The following UBE3C variants were observed in gnomAD, a reference collection of about 807,000 sequenced individuals.
UBE3C encodes ubiquitin-protein ligase E3C.
A neutral mutation model predicts 129.4 loss-of-function variants in UBE3C; 42 were observed. The observed-to-expected ratio is 0.32, with a 90% CI of 0.25 to 0.42. UBE3C has a LOEUF of 0.42. Ranked by LOEUF, UBE3C falls within the 10% of genes least tolerant of loss-of-function variation. The pLI is 1.00. For synonymous variants in UBE3C, 510 were observed against 492.4 expected (o/e 1.04, Z -0.47); for missense variants, 1,049 against 1,319.1 (o/e 0.80, Z 3.17).
chr7:157,214,268 TAGA>T (rs1464391321), intron 13 of UBE3C, among the ~76,000 whole-genome samples: 6 of 152,232 alleles, frequency 3.9e-5, no homozygotes, highest in African/African-American at 1.2e-4. Context: ...AATAATTTAG[TAGA>T]AGAATGTAAA....
intron 18 of UBE3C, among the ~76,000 whole-genome samples, chr7:157,232,992 C>T (rs745890312): frequency 3.9e-5 from 6 of 152,158 alleles, no homozygotes; most frequent in Non-Finnish European, 8.8e-5. Context: ...CAATATCAAA[C>T]TTGGAAGCAA....
chr7:157,239,581 A>G (rs1796245118), intron 18 of UBE3C, among the ~76,000 whole-genome samples: 1 of 152,218 alleles, frequency 6.6e-6, no homozygotes, highest in Admixed American at 6.5e-5. Context: ...GCAGCAGTAG[A>G]CTTCAGAGCA....
rs1240249461 is a variant in UBE3C, at chr7:157,182,217, T to C, written c.880T>C (p.Tyr294His). The change falls in exon 8 of 23, where the codon TAC becomes CAC. Residue 294 changes from tyrosine (Y) to histidine (H), a missense_variant. Around this residue, in one of 4 missense-constraint regions of UBE3C, gnomAD observed 489 missense variants for 513.8 expected, o/e 0.95. Transcript: ENST00000348165. ...TGCAGATGCGCAGACCGTTTTCCCTTACGAGCCCTTTCTGAATGCACTGTT... is the reference window on the plus strand; with the variant it reads ...TGCAGATGCGCAGACCGTTTTCCCTCACGAGCCCTTTCTGAATGCACTGTT... Reference protein sequence around the residue: ...ALADAQTVFPYEPFLNALLLI... With the variant: ...ALADAQTVFPHEPFLNALLLI... 3 of 1,614,114 alleles carry C rather than the reference T, an allele frequency of 1.9e-6. No individual in the cohort carries two copies. The highest frequency in any genetic ancestry group is 1.3e-5 in the African/African-American group (1 of 74,944).
chr7:157,256,831 G>A (rs540403422), intron 21 of UBE3C, 83 bp from the exon 22 acceptor site: 86 of 1,546,004 alleles, frequency 5.6e-5, no homozygotes, highest in Middle Eastern at 1.8e-4. Flanking sequence ...TTTAGTTTCC[G>A]TGGGTGTCTG....
chr7:157,221,735 GTC>G (rs1413513052), intron 15 of UBE3C: 1 of 151,214 alleles, frequency 6.6e-6, no homozygotes, highest in Non-Finnish European at 1.5e-5. Flanking sequence ...GTATAAGACT[GTC>G]TAAAAAAAAA....
chr7:157,143,086 C>G (rs1586638406), intron 1 of UBE3C, among the ~76,000 whole-genome samples: 1 of 152,016 alleles, frequency 6.6e-6, no homozygotes, highest in Non-Finnish European at 1.5e-5. Flanking sequence ...GGGCGGGTCT[C>G]GAACTCCCGA....
chr7:157,241,518 C>T (rs1014661121), intron 18 of UBE3C, among the ~76,000 whole-genome samples: 18 of 152,200 alleles, frequency 1.2e-4, no homozygotes, highest in African/African-American at 2.2e-4. Context: ...CACAGGCTGC[C>T]GCGCACACCC....
At chr7:157,166,712 C>T (rs1218164016) in intron 2 of UBE3C, among the ~76,000 whole-genome samples, 1 of 147,102 alleles carries the variant, frequency 6.8e-6, no homozygotes, top group South Asian at 2.1e-4. Context: ...TGCACTCCAG[C>T]CTGGAGTGAA....
At chr7:157,164,806 G>C (rs1233978675) in intron 2 of UBE3C, among the ~76,000 whole-genome samples, 1 of 152,148 alleles carries the variant, frequency 6.6e-6, no homozygotes, top group Non-Finnish European at 1.5e-5. Context: ...CGTGAACCAG[G>C]ATGCTGAGGT....
In UBE3C at chr7:157,210,716, G is replaced by A. The variant is rs141168185; in HGVS notation, c.1809+2781G>A. ...AGAATCAACCAAAGAACGCAGAAGC[G>A]TTTAGCCCATGATCTCCTGCCTTCC... On this transcript the variant is annotated intron_variant, in intron 13 of 22. Coordinates refer to ENST00000348165, the MANE Select transcript of UBE3C (RefSeq NM_014671.3). Among the ~76,000 whole-genome samples the A allele has an allele frequency of 1.7e-3, 261 of 152,310 alleles. 2 individuals carry two copies. Among genetic ancestry groups the A allele is most frequent in the African/African-American group, 5.8e-3 (241 of 41,570 alleles).
chr7:157,224,923 A>G (rs1795837107), intron 16 of UBE3C, among the ~76,000 whole-genome samples: 1 of 152,230 alleles, frequency 6.6e-6, no homozygotes, highest in African/African-American at 2.4e-5. Context: ...GTGTTAGTAT[A>G]CAGCTTTTTA....
intron 4 of UBE3C, among the ~76,000 whole-genome samples, chr7:157,170,657 A>AC (rs1413094121): frequency 6.6e-6 from 1 of 152,214 alleles, no homozygotes; most frequent in Non-Finnish European, 1.5e-5. Context: ...TGTATCCAAA[A>AC]ATAGGCTTTT....
intron 2 of UBE3C, 53 bp from the exon 3 acceptor site, chr7:157,168,995 A>G: frequency 6.8e-7 from 1 of 1,460,650 alleles, no homozygotes; most frequent in Non-Finnish European, 9.6e-7. Flanking sequence ...GCAAAATGTC[A>G]TTTTCACTGG....
chr7:157,230,053 CAT>C (rs1349990899), intron 17 of UBE3C, among the ~76,000 whole-genome samples: 2 of 151,996 alleles, frequency 1.3e-5, no homozygotes, highest in Non-Finnish European at 2.9e-5. Flanking sequence ...GGATTACAGA[CAT>C]GTGCCACCTT....
At chr7:157,181,313 T>A (rs1005645817) in intron 6 of UBE3C, among the ~76,000 whole-genome samples, 2 of 152,206 alleles carry the variant, frequency 1.3e-5, no homozygotes, top group African/African-American at 4.8e-5. Flanking sequence ...GAAATGAGAT[T>A]GGCTGTAGTT....
intron 6 of UBE3C, among the ~76,000 whole-genome samples, chr7:157,179,305 C>T (rs1374246212): frequency 1.3e-5 from 2 of 151,904 alleles, no homozygotes; most frequent in Non-Finnish European, 2.9e-5. Flanking sequence ...GATTTTTCTT[C>T]CAAGAGTGAG....
intron 18 of UBE3C, among the ~76,000 whole-genome samples, chr7:157,246,436 C>T (rs73176441): frequency 0.015 from 2,326 of 152,284 alleles, 27 homozygotes; most frequent in Non-Finnish European, 0.027. Flanking sequence ...ATTTACAGTG[C>T]ATGATATGGT....
At chr7:157,229,481 A>T (rs1554434497) in intron 17 of UBE3C, among the ~76,000 whole-genome samples, 1 of 150,696 alleles carries the variant, frequency 6.6e-6, no homozygotes, top group Non-Finnish European at 1.5e-5. Context: ...CGCCCGGCTA[A>T]TTTTTTTTTG....
chr7:157,153,855 G>A (rs914681350), intron 1 of UBE3C, among the ~76,000 whole-genome samples: 2 of 151,844 alleles, frequency 1.3e-5, no homozygotes, highest in Admixed American at 1.3e-4. Flanking sequence ...AACGGGCATG[G>A]TGGTATATGT....
Sources: gnomAD v4.1 joint callset for allele counts (sites outside exome capture counted in the v4.1 genomes callset) on GRCh38, gnomAD v4.1.1 for gene constraint, gnomAD v4.1.1 regional missense constraint, MANE v1.5 for transcripts, NCBI Gene and HGNC (gene_info 2026-07-23, HGNC 2026-07-21) for gene names.